Variants in NKIRAS1 observed in about 807,000 individuals in gnomAD.
NKIRAS1 encodes NFKB inhibitor interacting Ras like 1.
A neutral mutation model predicts 19.8 loss-of-function variants in NKIRAS1; 16 were observed. That is an observed-to-expected ratio of 0.81 (90% CI 0.55 to 1.23). The LOEUF (loss-of-function observed/expected upper bound fraction) is 1.23. NKIRAS1 is among the 50% of genes most tolerant of loss of function. The pLI is 0.00. For synonymous variants in NKIRAS1, 88 were observed against 79.0 expected (o/e 1.11, Z -0.61); for missense variants, 184 against 220.0 (o/e 0.84, Z 1.04).
chr3:23,934,981 G>A (rs1467083933), intron 1 of NKIRAS1, among the ~76,000 whole-genome samples: 1 of 152,042 alleles, frequency 6.6e-6, no homozygotes, highest in African/African-American at 2.4e-5. Flanking sequence ...TGCTCAGCAG[G>A]ACCCGCTCCA....
chr3:23,945,101 G>A (rs983822745), intron 1 of NKIRAS1, among the ~76,000 whole-genome samples: 1 of 151,562 alleles, frequency 6.6e-6, no homozygotes, highest in Non-Finnish European at 1.5e-5. Flanking sequence ...CGAAGGAAGA[G>A]GAGGGGCTCG....
At chr3:23,918,983 G>A, upstream of NKIRAS1, 1 of 590,428 alleles carries the variant, frequency 1.7e-6, no homozygotes, top group African/African-American at 1.9e-5. Flanking sequence ...GTATTAAGAG[G>A]GAATGATGTG....
At chr3:23,946,469 G>C (rs1705715780) in exon 1 of NKIRAS1, 1 of 200,866 alleles carries the variant, frequency 5.0e-6, no homozygotes, top group South Asian at 1.7e-4. Context: ...CGCAGACTGG[G>C]TAGCACCGCC....
At chr3:23,893,817 A>C (rs1333754945) in intron 4 of NKIRAS1, among the ~76,000 whole-genome samples, 1 of 150,152 alleles carries the variant, frequency 6.7e-6, no homozygotes, top group Non-Finnish European at 1.5e-5. Context: ...AAAAAAAAAA[A>C]AAAAATGCAG....
At chr3:23,895,228 T>A (rs1701867382) in intron 4 of NKIRAS1, among the ~76,000 whole-genome samples, 1 of 152,074 alleles carries the variant, frequency 6.6e-6, no homozygotes. Flanking sequence ...CTGGAGCTGG[T>A]CTCAAACTCC....
At chr3:23,914,970 TA>T (rs1276749733) in intron 1 of NKIRAS1, among the ~76,000 whole-genome samples, 1 of 152,224 alleles carries the variant, frequency 6.6e-6, no homozygotes, top group Non-Finnish European at 1.5e-5. Flanking sequence ...CTGCACTACT[TA>T]CCATTTTCAT....
intron 1 of NKIRAS1, among the ~76,000 whole-genome samples, chr3:23,940,051 C>G (rs1407417034): frequency 2.0e-5 from 3 of 151,424 alleles, no homozygotes; most frequent in African/African-American, 7.3e-5. Flanking sequence ...TAAAAACTGA[C>G]CGGGTGCGTA....
rs188042824 is a variant in NKIRAS1, at chr3:23,890,216, C to G, written c.*2879G>C. On this transcript the variant is annotated 3_prime_UTR_variant, in exon 5 of 5. Coordinates refer to ENST00000425478, the MANE Select transcript of NKIRAS1 (RefSeq NM_020345.4). ...CGTTCCAGTCTCTACTGAACTCAGC[C>G]TAACACATAAGAGTAAAGAAACTCC... Among the ~76,000 whole-genome samples the G allele has an allele frequency of 1.4e-3, 211 of 152,120 alleles. No individual in the cohort carries two copies. Among genetic ancestry groups the G allele is most frequent in the African/African-American group, 4.9e-3 (202 of 41,388 alleles).
At chr3:23,910,423 G>A (rs1247971257) in intron 3 of NKIRAS1, among the ~76,000 whole-genome samples, 1 of 152,098 alleles carries the variant, frequency 6.6e-6, no homozygotes, top group East Asian at 1.9e-4. Context: ...CCAAAGTGCT[G>A]GAATTACAGG....
At chr3:23,932,674 G>T (rs1172804323) in intron 1 of NKIRAS1, among the ~76,000 whole-genome samples, 3 of 134,712 alleles carry the variant, frequency 2.2e-5, no homozygotes, top group African/African-American at 8.6e-5. Flanking sequence ...GGCAACAAGA[G>T]CAAAATTCCG....
At chr3:23,945,670 C>T in intron 1 of NKIRAS1, 1 of 358,966 alleles carries the variant, frequency 2.8e-6, no homozygotes, top group African/African-American at 2.3e-5. Context: ...TGGGGGGCGG[C>T]GGCAGGGGGT....
At position 23,934,237 on chromosome 3, in the gene NKIRAS1, T is replaced by C. The variant is rs147923121; in HGVS notation, c.-140+12086A>G. Among the ~76,000 whole-genome samples the C allele has an allele frequency of 3.9e-3, 601 of 152,306 alleles. 3 individuals carry two copies. The highest frequency in any genetic ancestry group is 0.013 in the African/African-American group (538 of 41,570). Reference sequence around the variant, plus strand: ...TTCCATCACATATATGCGGAAACTTTTTTCCATAAAGAAAAACTAAATGTC... The same window carrying C: ...TTCCATCACATATATGCGGAAACTTCTTTCCATAAAGAAAAACTAAATGTC... On this transcript the variant is annotated intron_variant, in intron 1 of 4. Transcript: ENST00000421515.
intron 1 of NKIRAS1, chr3:23,946,128 C>A (rs969791768): frequency 1.0e-6 from 1 of 984,976 alleles, no homozygotes; most frequent in Non-Finnish European, 1.2e-6. Flanking sequence ...ATTCCCTCCT[C>A]CCCCGCGGGG....
chr3:23,902,650 T>C (rs1702631867), intron 3 of NKIRAS1, among the ~76,000 whole-genome samples: 1 of 152,216 alleles, frequency 6.6e-6, no homozygotes, highest in South Asian at 2.1e-4. Context: ...TTAGACCTTT[T>C]GATATTTTGG....
At chr3:23,914,049 C>G (rs1281718298) in intron 1 of NKIRAS1, among the ~76,000 whole-genome samples, 7 of 152,100 alleles carry the variant, frequency 4.6e-5, no homozygotes, top group African/African-American at 1.7e-4. Context: ...ATGTAAATTA[C>G]TAAGAGAACG....
At chr3:23,893,430 A>G in intron 4 of NKIRAS1, 93 bp from the exon 5 acceptor site, 1 of 1,052,300 alleles carries the variant, frequency 9.5e-7, no homozygotes, top group Non-Finnish European at 1.4e-6. Context: ...GTTCCACTTA[A>G]CAAACCTGCT....
At position 23,893,237 on chromosome 3, in the gene NKIRAS1, A is replaced by G; in HGVS notation, c.437T>C (p.Leu146Pro). ...CCGATCTGTAACAGTCACCTCCCAC[A>G]GTCTTACTTTCTCACTTTTTGCCCA... ...QQWAKSEKVRLWEVTVTDRKT... is the reference protein window; with the variant it reads ...QQWAKSEKVRPWEVTVTDRKT... Residue 146 changes from leucine (L) to proline (P), a missense_variant, in exon 5 of 5, where the codon CTG (leucine) becomes CCG (proline). Coordinates refer to ENST00000425478, the MANE Select transcript of NKIRAS1 (RefSeq NM_020345.4). 6.2e-7 allele frequency: 1 copy of G among 1,614,184 alleles called. No individual in the cohort carries two copies. The highest frequency in any genetic ancestry group is 8.5e-7 in the Non-Finnish European group (1 of 1,180,028).
intron 1 of NKIRAS1, among the ~76,000 whole-genome samples, chr3:23,937,315 G>A (rs1342069868): frequency 6.6e-6 from 1 of 151,882 alleles, no homozygotes; most frequent in Non-Finnish European, 1.5e-5. Context: ...AGAGATGGAG[G>A]GCCATAGACT....
Position 23,904,702 on chromosome 3 carries a change from C to T in NKIRAS1, c.95-3653G>A, listed in dbSNP as rs549035147. Among the ~76,000 whole-genome samples the T allele has an allele frequency of 1.6e-3, 249 of 152,116 alleles. 2 individuals are homozygous for T. The highest frequency in any genetic ancestry group is 3.5e-3 in the Admixed American group (53 of 15,270). The stretch of plus-strand genomic sequence containing the variant: ...AAAGCATCAAGAATCATAATGGTTC[C>T]CAGATTCTCAAAAGTAGCACTAGAA... On this transcript the variant is annotated intron_variant, in intron 3 of 4. Transcript: ENST00000425478.
Sources: gnomAD v4.1 joint callset for allele counts (sites outside exome capture counted in the v4.1 genomes callset) on GRCh38, gnomAD v4.1.1 for gene constraint, MANE v1.5 for transcripts, NCBI Gene and HGNC (gene_info 2026-07-23, HGNC 2026-07-21) for gene names.